Variants in SDK1 observed in about 807,000 individuals in gnomAD.
SDK1 encodes the protein protein sidekick-1.
SDK1 carries 157 observed loss-of-function variants against 245.5 expected under a neutral mutation model. The ratio of observed to expected loss-of-function variants is 0.64; its 90% CI spans 0.56 to 0.73. The LOEUF (loss-of-function observed/expected upper bound fraction) is 0.73, where lower values mean the gene tolerates loss of function less well. Ranked by LOEUF, SDK1 falls within the 30% of genes least tolerant of loss-of-function variation. SDK1 has a pLI of 0.00. For synonymous variants in SDK1, 1,647 were observed against 1,278.5 expected, an observed-to-expected ratio of 1.29 and a Z score of -6.15; for missense variants, 3,583 against 3,002.3, an observed-to-expected ratio of 1.19 and a Z score of -4.52.
At chr7:3,400,082 A>C (rs6948557) in intron 1 of SDK1, among the ~76,000 whole-genome samples, 24,453 of 151,718 alleles carry the variant, frequency 0.16, 3,190 homozygotes, top group African/African-American at 0.36. Flanking sequence ...TGCTCCAGAG[A>C]GGGCGCTTTT....
At chr7:3,714,408 A>G (rs1187825926) in intron 4 of SDK1, among the ~76,000 whole-genome samples, 1 of 152,212 alleles carries the variant, frequency 6.6e-6, no homozygotes, top group African/African-American at 2.4e-5. Flanking sequence ...TCTCTTTTCA[A>G]CCTGTCAATT....
chr7:3,609,822 T>C (rs1348175924), intron 1 of SDK1, among the ~76,000 whole-genome samples: 1 of 151,272 alleles, frequency 6.6e-6, no homozygotes, highest in Non-Finnish European at 1.5e-5. Context: ...TGCCTCAGAC[T>C]CACAGGTAGC....
chr7:3,346,826 T>TATATATATA (rs1562430189), intron 1 of SDK1, among the ~76,000 whole-genome samples: 1 of 72,844 alleles, frequency 1.4e-5, no homozygotes, highest in Non-Finnish European at 2.7e-5. Context: ...TATATATATA[T>TATATATATA]ATTTTTTTTT....
intron 1 of SDK1, among the ~76,000 whole-genome samples, chr7:3,563,961 A>T (rs1008575175): frequency 6.6e-6 from 1 of 152,084 alleles, no homozygotes; most frequent in Non-Finnish European, 1.5e-5. Flanking sequence ...TAGCTATTGA[A>T]TTAAAAAAAT....
At chr7:3,549,170 C>G (rs940633647) in intron 1 of SDK1, among the ~76,000 whole-genome samples, 3 of 152,178 alleles carry the variant, frequency 2.0e-5, no homozygotes, top group Non-Finnish European at 2.9e-5. Flanking sequence ...ATCTTTCATG[C>G]AAACAGTTCT....
At chr7:3,722,574 G>A (rs1271907362) in intron 4 of SDK1, among the ~76,000 whole-genome samples, 1 of 152,134 alleles carries the variant, frequency 6.6e-6, no homozygotes, top group African/African-American at 2.4e-5. Context: ...GAGCTCCTTA[G>A]GGATGCACTG....
intron 1 of SDK1, among the ~76,000 whole-genome samples, chr7:3,391,076 C>G (rs1781736963): frequency 6.6e-6 from 1 of 152,060 alleles, no homozygotes; most frequent in African/African-American, 2.4e-5. Flanking sequence ...ACCTTTTATA[C>G]CAGGTCACAT....
intron 17 of SDK1, among the ~76,000 whole-genome samples, chr7:4,027,896 A>G (rs1787486939): frequency 6.6e-6 from 1 of 151,922 alleles, no homozygotes; most frequent in African/African-American, 2.4e-5. Flanking sequence ...GAACGAGAGT[A>G]GGGGCTTTCT....
chr7:4,231,747 G>A (rs376613771), intron 40 of SDK1, among the ~76,000 whole-genome samples: 67 of 152,184 alleles, frequency 4.4e-4, no homozygotes, highest in African/African-American at 1.6e-3. Context: ...GGACTTAGTC[G>A]GTGCACATTC....
chr7:3,656,857 C>T (rs1300535241), intron 4 of SDK1, among the ~76,000 whole-genome samples: 1 of 152,008 alleles, frequency 6.6e-6, no homozygotes, highest in African/African-American at 2.4e-5. Context: ...ACACCATTCT[C>T]CTGCCTCAGC....
chr7:4,246,590 G>T (rs1209789265), intron 44 of SDK1, among the ~76,000 whole-genome samples: 2 of 152,138 alleles, frequency 1.3e-5, no homozygotes, highest in Non-Finnish European at 1.5e-5. Flanking sequence ...CACCCTGCCA[G>T]CCTCCCACCC....
chr7:3,529,875 C>T (rs1327637306), intron 1 of SDK1, among the ~76,000 whole-genome samples: 9 of 152,118 alleles, frequency 5.9e-5, no homozygotes. Context: ...AATTGTATTC[C>T]TGACGACATC....
At chr7:3,592,102 A>G (rs192664271) in intron 1 of SDK1, among the ~76,000 whole-genome samples, 1 of 152,338 alleles carries the variant, frequency 6.6e-6, no homozygotes, top group African/African-American at 2.4e-5. Context: ...TAATGGAGGA[A>G]GTATTTCAAC....
At chr7:3,695,946 G>A (rs1340751826) in intron 4 of SDK1, among the ~76,000 whole-genome samples, 1 of 152,100 alleles carries the variant, frequency 6.6e-6, no homozygotes, top group African/African-American at 2.4e-5. Context: ...GCAGCATTTG[G>A]AGTTGCTGAC....
chr7:4,076,878 C>A, intron 20 of SDK1, 120 bp from the exon 21 acceptor site: 1 of 823,486 alleles, frequency 1.2e-6, no homozygotes, highest in Non-Finnish European at 1.9e-6. Context: ...CTCTAAGCTG[C>A]CTTCAGCACA....
intron 40 of SDK1, among the ~76,000 whole-genome samples, chr7:4,224,653 C>G (rs576926156): frequency 6.6e-6 from 1 of 152,010 alleles, no homozygotes; most frequent in Non-Finnish European, 1.5e-5. Flanking sequence ...TACAACCATT[C>G]TGAGAAAGTG....
intron 1 of SDK1, among the ~76,000 whole-genome samples, chr7:3,593,372 T>C (rs1301046899): frequency 1.3e-5 from 2 of 152,190 alleles, no homozygotes; most frequent in Non-Finnish European, 2.9e-5. Context: ...GGATAGTATG[T>C]GATGCACATG....
intron 41 of SDK1, among the ~76,000 whole-genome samples, chr7:4,235,990 G>T (rs998668782): frequency 1.3e-5 from 2 of 152,242 alleles, no homozygotes; most frequent in African/African-American, 4.8e-5. Flanking sequence ...TTGCCGCATG[G>T]AGTACCAAAT....
chr7:3,617,063 C>G (rs937482831), intron 1 of SDK1, among the ~76,000 whole-genome samples: 1 of 152,124 alleles, frequency 6.6e-6, no homozygotes, highest in South Asian at 2.1e-4. Flanking sequence ...TTTAACTTCT[C>G]CATGCTTCTG....
Sources: gnomAD v4.1 joint callset for allele counts (sites outside exome capture counted in the v4.1 genomes callset) on GRCh38, gnomAD v4.1.1 for gene constraint, MANE v1.5 for transcripts, NCBI Gene and HGNC (gene_info 2026-07-23, HGNC 2026-07-21) for gene names.